Variants in DOCK3 observed in about 807,000 individuals in gnomAD.
DOCK3 encodes dedicator of cytokinesis protein 3.
Under a neutral mutation model 265.6 loss-of-function variants are expected in DOCK3, and 60 were observed. That is an observed-to-expected ratio of 0.23 (90% CI 0.18 to 0.28). The LOEUF (loss-of-function observed/expected upper bound fraction) is 0.28. Ranked by LOEUF, DOCK3 falls within the 10% of genes least tolerant of loss-of-function variation. The probability of loss-of-function intolerance (pLI) is 1.00; values close to 1 mark genes in which losing one functional copy is unlikely to be tolerated. For missense variants in DOCK3, 1,981 were observed against 2,594.3 expected (o/e 0.76, Z 5.14); for synonymous variants, 881 against 938.0 (o/e 0.94, Z 1.11).
At chr3:50,941,982 T>A (rs969779705) in intron 5 of DOCK3, among the ~76,000 whole-genome samples, 8 of 152,202 alleles carry the variant, frequency 5.3e-5, no homozygotes, top group South Asian at 2.1e-4. Flanking sequence ...ATTGTGGTGA[T>A]AGCTATTTGA....
In DOCK3 at chr3:51,310,322, A is replaced by G; in HGVS notation, c.3013A>G (p.Ser1005Gly). The G allele has an allele frequency of 1.3e-6, 2 of 1,594,036 alleles. No homozygotes were observed. Among genetic ancestry groups the G allele is most frequent in the South Asian group, 1.1e-5 (1 of 87,260 alleles). The change falls in exon 28 of 53, where the codon AGC (serine) becomes GGC (glycine). Residue 1005 changes from serine (S) to glycine (G), a missense_variant. By Grantham distance (56) the Ser-to-Gly change is moderately conservative. Around this residue, in one of 4 missense-constraint regions of DOCK3, gnomAD observed 1,357 missense variants for 1,866.8 expected, o/e 0.73. Transcript: ENST00000266037. Reference protein sequence around the residue: ...RDWMVMRLLTSNIIVTTVQYL... With the variant: ...RDWMVMRLLTGNIIVTTVQYL... ...CTGGATGGTAATGAGACTGCTCACA[A>G]GCAAGTAAGTATGGAAGGGCTCTGT...
chr3:51,042,400 CTG>C (rs1409105550), intron 5 of DOCK3, among the ~76,000 whole-genome samples: 5 of 152,184 alleles, frequency 3.3e-5, no homozygotes, highest in African/African-American at 1.2e-4. Flanking sequence ...ATGTTAAAAA[CTG>C]TCAATAAACT....
chr3:51,192,707 G>A (rs987764943), intron 12 of DOCK3, among the ~76,000 whole-genome samples: 1 of 152,046 alleles, frequency 6.6e-6, no homozygotes, highest in Admixed American at 6.6e-5. Flanking sequence ...GAGTGGGGAT[G>A]AATTCTCTTG....
chr3:51,204,514 C>G (rs1217696944), intron 12 of DOCK3, among the ~76,000 whole-genome samples: 3 of 146,846 alleles, frequency 2.0e-5, no homozygotes, highest in Non-Finnish European at 4.5e-5. Context: ...AGTCAGGAAA[C>G]AACAGGTGCT....
intron 27 of DOCK3, among the ~76,000 whole-genome samples, chr3:51,281,010 C>T (rs967816821): frequency 6.6e-6 from 1 of 152,104 alleles, no homozygotes; most frequent in African/African-American, 2.4e-5. Flanking sequence ...TCTCCAGAAT[C>T]ATTCCTCTCT....
At chr3:50,838,023 G>C (rs1451084412) in intron 2 of DOCK3, among the ~76,000 whole-genome samples, 1 of 152,132 alleles carries the variant, frequency 6.6e-6, no homozygotes, top group East Asian at 1.9e-4. Context: ...GAGTAACTAA[G>C]GCTCAAAAAG....
chr3:50,700,024 C>T (rs546433630), intron 1 of DOCK3, among the ~76,000 whole-genome samples: 85 of 152,120 alleles, frequency 5.6e-4, no homozygotes, highest in African/African-American at 1.9e-3. Flanking sequence ...GGCTCACACC[C>T]GTAATCCCAG....
chr3:51,303,690 G>A (rs565366939), intron 27 of DOCK3, among the ~76,000 whole-genome samples: 39 of 152,202 alleles, frequency 2.6e-4, no homozygotes, highest in Non-Finnish European at 4.1e-4. Flanking sequence ...CTGGTTTGCC[G>A]AGGGTTCACT....
intron 22 of DOCK3, among the ~76,000 whole-genome samples, chr3:51,251,180 C>A (rs1340926895): frequency 6.6e-6 from 1 of 152,202 alleles, no homozygotes; most frequent in Non-Finnish European, 1.5e-5. Flanking sequence ...TCATCCATAT[C>A]CCTACAAAGG....
At chr3:51,279,660 C>T (rs1321427706) in intron 26 of DOCK3, among the ~76,000 whole-genome samples, 5 of 152,134 alleles carry the variant, frequency 3.3e-5, no homozygotes, top group Non-Finnish European at 1.5e-5. Flanking sequence ...TGTGCAAATT[C>T]TAGGAGGTTC....
intron 3 of DOCK3, among the ~76,000 whole-genome samples, chr3:50,866,161 T>G (rs2047131789): frequency 6.6e-6 from 1 of 152,172 alleles, no homozygotes; most frequent in African/African-American, 2.4e-5. Context: ...TTTTTTCTTT[T>G]GTTGCCTGTC....
intron 5 of DOCK3, among the ~76,000 whole-genome samples, chr3:51,025,238 G>T (rs557729703): frequency 3.3e-5 from 5 of 152,230 alleles, no homozygotes; most frequent in East Asian, 3.9e-4. Flanking sequence ...CCTTGTGCAG[G>T]GCAGGCTAAG....
At chr3:51,030,451 G>A (rs1467714547) in intron 5 of DOCK3, among the ~76,000 whole-genome samples, 49 of 152,184 alleles carry the variant, frequency 3.2e-4, no homozygotes, top group Non-Finnish European at 4.4e-5. Context: ...TGATATGGCA[G>A]CATTATAGTC....
chr3:51,180,149 A>G (rs4927971), intron 12 of DOCK3, among the ~76,000 whole-genome samples: 135,698 of 148,840 alleles, frequency 0.91, 62,002 homozygotes, highest in African/African-American at 0.96. Context: ...CAGAGGTTGC[A>G]GTGAGCCGAG....
chr3:51,213,298 A>C (rs968720113), intron 13 of DOCK3, among the ~76,000 whole-genome samples: 2 of 152,122 alleles, frequency 1.3e-5, no homozygotes, highest in African/African-American at 4.8e-5. Flanking sequence ...AGCTAATCCC[A>C]TTCACAGTTA....
rs368377275 is a variant in DOCK3 at position 50,906,115 on chromosome 3, A to C, written c.218+16034A>C. Among the ~76,000 whole-genome samples, 313 of 152,200 alleles carry C rather than the reference A, an allele frequency of 2.1e-3. 5 individuals carry two copies. The South Asian group carries it at 0.059, about 29-fold the overall frequency. On this transcript the variant is annotated intron_variant, in intron 4 of 52. Coordinates refer to ENST00000266037, the MANE Select transcript of DOCK3 (RefSeq NM_004947.5). ...GCCTTGCATCCCAGAGATAAAGCCCACTTGATCATTTTGGATAAGCTTTTT... is the reference window on the plus strand; with the variant it reads ...GCCTTGCATCCCAGAGATAAAGCCCCCTTGATCATTTTGGATAAGCTTTTT...
chr3:51,006,902 C>T (rs956465091), intron 5 of DOCK3, among the ~76,000 whole-genome samples: 2 of 152,160 alleles, frequency 1.3e-5, no homozygotes, highest in Non-Finnish European at 1.5e-5. Context: ...CGATAGTTTG[C>T]TGAGAATGAT....
At chr3:50,736,039 A>G (rs1019014230) in intron 1 of DOCK3, among the ~76,000 whole-genome samples, 3 of 152,110 alleles carry the variant, frequency 2.0e-5, no homozygotes, top group Non-Finnish European at 2.9e-5. Flanking sequence ...TCCTAATGCT[A>G]TCCCTCCCCG....
chr3:50,704,666 C>T (rs1316741696), intron 1 of DOCK3, among the ~76,000 whole-genome samples: 2 of 150,490 alleles, frequency 1.3e-5, no homozygotes, highest in Non-Finnish European at 3.0e-5. Context: ...CACTCTGTCA[C>T]CCAGGCTGGA....
Sources: allele counts gnomAD v4.1 joint callset (sites outside exome capture counted in the v4.1 genomes callset), GRCh38; gene constraint gnomAD v4.1.1; regional missense constraint gnomAD v4.1.1; transcripts MANE v1.5; gene names NCBI Gene and HGNC (gene_info 2026-07-23, HGNC 2026-07-21).